Variants in ZCCHC17 observed in about 807,000 individuals in gnomAD.
ZCCHC17 encodes zinc finger CCHC-type containing 17.
A neutral mutation model predicts 30.6 loss-of-function variants in ZCCHC17; 18 were observed. The observed-to-expected ratio is 0.59, with a 90% CI of 0.41 to 0.87. The LOEUF is 0.87. Ranked by LOEUF, ZCCHC17 falls within the 40% of genes least tolerant of loss-of-function variation. The pLI is 0.00. For missense variants in ZCCHC17, 263 were observed against 284.2 expected (o/e 0.93, Z 0.54); for synonymous variants, 88 against 92.4 (o/e 0.95, Z 0.27).
intron 3 of ZCCHC17, among the ~76,000 whole-genome samples, chr1:31,327,824 G>A (rs1638418079): frequency 6.6e-6 from 1 of 152,144 alleles, no homozygotes; most frequent in African/African-American, 2.4e-5. Flanking sequence ...GGGAAAAACA[G>A]GGACCCCTAG....
intron 3 of ZCCHC17, among the ~76,000 whole-genome samples, chr1:31,327,425 C>T (rs1209416360): frequency 6.6e-6 from 1 of 152,214 alleles, no homozygotes; most frequent in African/African-American, 2.4e-5. Context: ...ACAGTAGTCC[C>T]CACTCATCTG....
intron 7 of ZCCHC17, among the ~76,000 whole-genome samples, chr1:31,349,877 A>T (rs1639408374): frequency 6.6e-6 from 1 of 152,096 alleles, no homozygotes; most frequent in Non-Finnish European, 1.5e-5. Flanking sequence ...TTCCAACCTA[A>T]ATTTTTGGCC....
intron 6 of ZCCHC17, among the ~76,000 whole-genome samples, chr1:31,347,755 G>A (rs1307812968): frequency 6.6e-6 from 1 of 152,134 alleles, no homozygotes; most frequent in Non-Finnish European, 1.5e-5. Context: ...GACCACAGGT[G>A]TGTACCACCA....
intron 1 of ZCCHC17, among the ~76,000 whole-genome samples, chr1:31,298,097 T>A (rs6679393): frequency 6.6e-6 from 1 of 152,006 alleles, no homozygotes; most frequent in Non-Finnish European, 1.5e-5. Context: ...CCCTAGTCGA[T>A]GTATGTGGAC....
chr1:31,344,667 G>A (rs1639173885), intron 5 of ZCCHC17, among the ~76,000 whole-genome samples: 1 of 152,300 alleles, frequency 6.6e-6, no homozygotes, highest in Non-Finnish European at 1.5e-5. Context: ...AGTGTTAAGT[G>A]GGAAGTATGA....
intron 1 of ZCCHC17, among the ~76,000 whole-genome samples, chr1:31,302,554 A>T (rs902667000): frequency 6.6e-6 from 1 of 152,160 alleles, no homozygotes. Context: ...TTAGTGTTAG[A>T]GCTATATTCT....
intron 3 of ZCCHC17, among the ~76,000 whole-genome samples, chr1:31,325,635 C>G (rs1638308076): frequency 1.3e-5 from 2 of 152,232 alleles, no homozygotes; most frequent in South Asian, 4.1e-4. Context: ...CCACTCCGAG[C>G]CTGGCTCGCC....
chr1:31,297,566 T>C (rs1034667625), intron 1 of ZCCHC17, among the ~76,000 whole-genome samples: 1 of 152,216 alleles, frequency 6.6e-6, no homozygotes, highest in Non-Finnish European at 1.5e-5. Context: ...GTCGTCCTGC[T>C]GATATTCATT....
intron 2 of ZCCHC17, 145 bp downstream of exon 2, chr1:31,310,309 C>A: frequency 1.5e-6 from 1 of 671,538 alleles, no homozygotes; most frequent in Non-Finnish European, 2.4e-6. Flanking sequence ...CTGGCAATCA[C>A]ATGTGCCTTC....
intron 3 of ZCCHC17, among the ~76,000 whole-genome samples, chr1:31,331,133 C>T (rs1013510531): frequency 2.0e-5 from 3 of 151,818 alleles, no homozygotes; most frequent in Non-Finnish European, 1.5e-5. Context: ...TTGATTGTAT[C>T]ATAATATTCT....
rs76310341 is a variant in ZCCHC17 at position 31,300,109 on chromosome 1, G to A, written c.-56+3034G>A. 7.9e-3 allele frequency among the ~76,000 whole-genome samples: 1,199 copies of A among 152,266 alleles called. 14 individuals are homozygous for A. Among genetic ancestry groups the A allele is most frequent in the African/African-American group, 0.027 (1,120 of 41,542 alleles). Reference sequence around the variant, plus strand: ...ACAGTCTTACTCTGTTGCCCAGGCCGATTGCAGTGGCATGATTATGGCTCA... The same window carrying A: ...ACAGTCTTACTCTGTTGCCCAGGCCAATTGCAGTGGCATGATTATGGCTCA... On this transcript the variant is annotated intron_variant, in intron 1 of 7. Coordinates refer to ENST00000344147, the MANE Select transcript of ZCCHC17 (RefSeq NM_016505.4).
chr1:31,302,653 T>TAA (rs1273623816), intron 1 of ZCCHC17, among the ~76,000 whole-genome samples: 40 of 152,186 alleles, frequency 2.6e-4, no homozygotes, highest in African/African-American at 9.6e-4. Flanking sequence ...AGGAGAAAGG[T>TAA]TTAATTGACT....
At chr1:31,302,524 C>G (rs117245378) in intron 1 of ZCCHC17, among the ~76,000 whole-genome samples, 1 of 152,146 alleles carries the variant, frequency 6.6e-6, no homozygotes, top group South Asian at 2.1e-4. Context: ...CACATTGATT[C>G]CTCTAATGTT....
intron 7 of ZCCHC17, among the ~76,000 whole-genome samples, chr1:31,361,506 A>G (rs1639892174): frequency 6.6e-6 from 1 of 152,250 alleles, no homozygotes; most frequent in African/African-American, 2.4e-5. Context: ...GTTCTAAGTC[A>G]CATAGTGAGT....
At chr1:31,325,231 T>C (rs1397775871) in intron 3 of ZCCHC17, among the ~76,000 whole-genome samples, 1 of 152,246 alleles carries the variant, frequency 6.6e-6, no homozygotes, top group Non-Finnish European at 1.5e-5. Flanking sequence ...TTGGGTCTCC[T>C]GAGAGCTGTA....
At chr1:31,345,562 A>ATTATATTATATATATATATTATAATATAT in intron 5 of ZCCHC17, among the ~76,000 whole-genome samples, 1 of 99,816 alleles carries the variant, frequency 1.0e-5, no homozygotes, top group African/African-American at 3.9e-5. Flanking sequence ...ATATATATAT[A>ATTATATTATATATATATATTATAATATAT]ATATAATATA....
At chr1:31,328,507 C>G (rs938540976) in intron 3 of ZCCHC17, among the ~76,000 whole-genome samples, 8 of 151,590 alleles carry the variant, frequency 5.3e-5, no homozygotes, top group South Asian at 4.2e-4. Context: ...GACCCTGTCT[C>G]AAAAATAAAT....
intron 7 of ZCCHC17, among the ~76,000 whole-genome samples, chr1:31,349,179 T>G (rs1291909510): frequency 6.6e-6 from 1 of 151,412 alleles, no homozygotes; most frequent in Non-Finnish European, 1.5e-5. Flanking sequence ...CTGAACAACA[T>G]AGTGAGACCC....
chr1:31,352,649 G>A (rs984816800), intron 7 of ZCCHC17, among the ~76,000 whole-genome samples: 4 of 152,136 alleles, frequency 2.6e-5, no homozygotes, highest in Non-Finnish European at 4.4e-5. Flanking sequence ...GTCCTGCTAT[G>A]TTGCTCAGGC....
Sources: gnomAD v4.1 joint callset for allele counts (sites outside exome capture counted in the v4.1 genomes callset) on GRCh38, gnomAD v4.1.1 for gene constraint, MANE v1.5 for transcripts, NCBI Gene and HGNC (gene_info 2026-07-23, HGNC 2026-07-21) for gene names.